LINGO2: variants seen among roughly 807,000 people sequenced by gnomAD.
The protein encoded by LINGO2 is leucine rich repeat and Ig domain containing 2.
A neutral mutation model predicts 30.6 loss-of-function variants in LINGO2; 14 were observed. The observed-to-expected ratio is 0.46, with a 90% CI of 0.30 to 0.72. The LOEUF (loss-of-function observed/expected upper bound fraction) is 0.72. Among genes scored for constraint, LINGO2 ranks in the 30% least tolerant of loss-of-function variants. The pLI, the probability that LINGO2 is intolerant of heterozygous loss-of-function variation, is 0.07. For missense variants in LINGO2, 729 were observed against 751.7 expected, an observed-to-expected ratio of 0.97 and a Z score of 0.35; for synonymous variants, 317 against 288.5, an observed-to-expected ratio of 1.10 and a Z score of -1.00.
At chr9:28,716,006 G>A in the LINGO2 span, among the ~76,000 whole-genome samples, 1 of 151,812 alleles carries the variant, frequency 6.6e-6, no homozygotes, top group African/African-American at 2.4e-5. Context: ...AATGTGTTGT[G>A]ATACCTTTAT....
At chr9:28,141,440 C>T (rs1343047385) in intron 4 of LINGO2, among the ~76,000 whole-genome samples, 2 of 152,166 alleles carry the variant, frequency 1.3e-5, no homozygotes, top group Non-Finnish European at 2.9e-5. Context: ...GGAAGCCTCA[C>T]ATAAAAAAGA....
upstream of LINGO2, among the ~76,000 whole-genome samples, chr9:28,670,983 CA>C (rs1828986169): frequency 6.6e-6 from 1 of 151,862 alleles, no homozygotes; most frequent in Admixed American, 6.6e-5. Context: ...AGAAACTTTT[CA>C]AAAAAGCATT....
At chr9:28,875,561 G>T in the LINGO2 span, among the ~76,000 whole-genome samples, 17 of 151,804 alleles carry the variant, frequency 1.1e-4, no homozygotes, top group African/African-American at 4.1e-4. Context: ...ATCCAAAAAG[G>T]GGCATATATT....
intron 1 of LINGO2, among the ~76,000 whole-genome samples, chr9:28,504,075 C>T (rs1427811518): frequency 3.3e-5 from 5 of 151,782 alleles, no homozygotes; most frequent in Non-Finnish European, 5.9e-5. Context: ...ATAGTGCCTA[C>T]GGTTCACTAA....
the LINGO2 span, among the ~76,000 whole-genome samples, chr9:29,022,232 G>A: frequency 6.6e-6 from 1 of 152,104 alleles, no homozygotes; most frequent in East Asian, 1.9e-4. Context: ...ATTTTATAAG[G>A]AAAGGAAGCA....
At chr9:28,615,283 G>A (rs1263148594) in intron 1 of LINGO2, among the ~76,000 whole-genome samples, 1 of 152,118 alleles carries the variant, frequency 6.6e-6, no homozygotes, top group East Asian at 1.9e-4. Flanking sequence ...CACTTAATAT[G>A]TTCAAGGTAA....
chr9:29,082,574 G>GA, the LINGO2 span, among the ~76,000 whole-genome samples: 2 of 152,036 alleles, frequency 1.3e-5, no homozygotes, highest in Non-Finnish European at 2.9e-5. Context: ...AGCCAAAATT[G>GA]AAAAATGGGA....
chr9:29,178,215 C>T, the LINGO2 span, among the ~76,000 whole-genome samples: 1 of 151,790 alleles, frequency 6.6e-6, no homozygotes, highest in Non-Finnish European at 1.5e-5. Context: ...ACCAGCACGC[C>T]CAGCTATTTT....
chr9:28,238,561 A>C (rs1353714503), intron 4 of LINGO2, among the ~76,000 whole-genome samples: 9 of 152,192 alleles, frequency 5.9e-5, no homozygotes, highest in Admixed American at 5.2e-4. Context: ...GTCAATAAAG[A>C]AATTAAAAAG....
chr9:28,268,661 C>T (rs1822837780), intron 4 of LINGO2, among the ~76,000 whole-genome samples: 1 of 151,964 alleles, frequency 6.6e-6, no homozygotes. Context: ...AATTAAATCA[C>T]ATTATTATGC....
At chr9:28,853,411 A>G in the LINGO2 span, among the ~76,000 whole-genome samples, 1 of 152,052 alleles carries the variant, frequency 6.6e-6, no homozygotes, top group Non-Finnish European at 1.5e-5. Flanking sequence ...CTAGCTGTCA[A>G]ATATTAAAGA....
intron 1 of LINGO2, among the ~76,000 whole-genome samples, chr9:28,607,057 G>C (rs1825723868): frequency 6.6e-6 from 1 of 152,044 alleles, no homozygotes; most frequent in African/African-American, 2.4e-5. Flanking sequence ...CGAAGGAAAT[G>C]TGGGAAATAC....
At chr9:28,408,074 C>T (rs1022696452) in intron 2 of LINGO2, among the ~76,000 whole-genome samples, 6 of 152,054 alleles carry the variant, frequency 3.9e-5, no homozygotes, top group African/African-American at 1.4e-4. Context: ...ATTTTTTCAA[C>T]AACCCTGTTA....
the LINGO2 span, among the ~76,000 whole-genome samples, chr9:28,754,028 A>G: frequency 3.3e-5 from 5 of 151,550 alleles, no homozygotes; most frequent in Admixed American, 2.0e-4. Context: ...ACACACACAC[A>G]CACACACACA....
chr9:28,583,729 G>A (rs1824384429), intron 1 of LINGO2, among the ~76,000 whole-genome samples: 1 of 151,974 alleles, frequency 6.6e-6, no homozygotes, highest in Non-Finnish European at 1.5e-5. Flanking sequence ...AAAGATGTTG[G>A]CTGTTCTGCC....
chr9:29,072,273 T>C, the LINGO2 span, among the ~76,000 whole-genome samples: 1 of 152,116 alleles, frequency 6.6e-6, no homozygotes, highest in Non-Finnish European at 1.5e-5. Context: ...TTTCTTGATA[T>C]ATGTAATAGA....
At chr9:28,479,956 T>TATATATATATACAC (rs1491144467) in intron 1 of LINGO2, among the ~76,000 whole-genome samples, 3 of 105,052 alleles carry the variant, frequency 2.9e-5, no homozygotes, top group African/African-American at 1.1e-4. Context: ...TATATATATA[T>TATATATATATACAC]GTACATTTTG....
chr9:28,472,980 A>AT (rs949253548), intron 2 of LINGO2, among the ~76,000 whole-genome samples: 4 of 152,040 alleles, frequency 2.6e-5, no homozygotes, highest in African/African-American at 9.7e-5. Flanking sequence ...TTTCTAAAAC[A>AT]TTTTTTCTGC....
chr9:29,212,190 TC>T, the LINGO2 span, among the ~76,000 whole-genome samples: 3 of 152,038 alleles, frequency 2.0e-5, no homozygotes, highest in Admixed American at 2.0e-4. Flanking sequence ...CGGACCTGCG[TC>T]CCCGCGGCGC....
Sources: gnomAD v4.1 joint callset for allele counts (sites outside exome capture counted in the v4.1 genomes callset) on GRCh38, gnomAD v4.1.1 for gene constraint, MANE v1.5 for transcripts, NCBI Gene and HGNC (gene_info 2026-07-23, HGNC 2026-07-21) for gene names.